The following PSMD9 variants were observed in gnomAD, a reference collection of about 807,000 sequenced individuals.
PSMD9 encodes proteasome 26S subunit, non-ATPase 9.
Under a neutral mutation model 25.9 loss-of-function variants are expected in PSMD9, and 26 were observed. The ratio of observed to expected loss-of-function variants is 1.00; its 90% confidence interval spans 0.73 to 1.39. PSMD9 has a LOEUF of 1.39. PSMD9 is among the 40% of genes most tolerant of loss of function. The probability of loss-of-function intolerance (pLI) is 0.00; values close to 1 mark genes in which losing one functional copy is unlikely to be tolerated. For synonymous variants in PSMD9, 110 were observed against 114.5 expected (o/e 0.96, Z 0.25); for missense variants, 303 against 299.3 (o/e 1.01, Z -0.09).
intron 4 of PSMD9, among the ~76,000 whole-genome samples, chr12:121,912,465 T>C (rs1879754038): frequency 6.6e-6 from 1 of 152,130 alleles, no homozygotes; most frequent in Non-Finnish European, 1.5e-5. Flanking sequence ...TCATAATCAG[T>C]GTGTGGTAGA....
At chr12:121,902,288 GAC>G (rs1879422867) in intron 3 of PSMD9, 1 of 151,904 alleles carries the variant, frequency 6.6e-6, no homozygotes, top group Admixed American at 6.6e-5. Flanking sequence ...CCCTGGTCAG[GAC>G]ACATAGTTCC....
intron 4 of PSMD9, among the ~76,000 whole-genome samples, chr12:121,913,444 G>A (rs373428558): frequency 1.3e-5 from 2 of 151,148 alleles, no homozygotes; most frequent in South Asian, 4.2e-4. Flanking sequence ...TATATGTTCT[G>A]GATGTTAAAT....
At chr12:121,912,127 C>T (rs1391100063) in intron 4 of PSMD9, among the ~76,000 whole-genome samples, 1 of 151,740 alleles carries the variant, frequency 6.6e-6, no homozygotes, top group Admixed American at 6.6e-5. Context: ...GCAATCTGGA[C>T]TTCCCAGGCT....
chr12:121,896,388 T>G (rs1879229959), intron 2 of PSMD9, among the ~76,000 whole-genome samples: 1 of 152,008 alleles, frequency 6.6e-6, no homozygotes, highest in Non-Finnish European at 1.5e-5. Context: ...GAGAATCACT[T>G]GAACCCAGGA....
intron 4 of PSMD9, among the ~76,000 whole-genome samples, chr12:121,904,639 TTTATTA>T (rs71082909): frequency 3.0e-4 from 41 of 138,948 alleles, no homozygotes; most frequent in African/African-American, 7.2e-4. Flanking sequence ...CCATCTGAAA[TTTATTA>T]TTATTATTAT....
At chr12:121,889,047 G>T in intron 1 of PSMD9, 53 bp downstream of exon 1, 1 of 1,544,758 alleles carries the variant, frequency 6.5e-7, no homozygotes, top group South Asian at 1.2e-5. Flanking sequence ...CGGAGTCCCT[G>T]GGGTACTGGG....
intron 3 of PSMD9, among the ~76,000 whole-genome samples, chr12:121,901,418 A>G (rs1027808919): frequency 2.6e-5 from 4 of 152,108 alleles, no homozygotes; most frequent in Non-Finnish European, 5.9e-5. Context: ...GTGCCATCAT[A>G]GCTCACTGCA....
chr12:121,904,238 C>A (rs904539750), intron 4 of PSMD9, among the ~76,000 whole-genome samples: 1 of 150,752 alleles, frequency 6.6e-6, no homozygotes. Flanking sequence ...ATGGCTCTTG[C>A]ATTTTGTGTC....
At chr12:121,903,760 T>C (rs913583823) in intron 4 of PSMD9, among the ~76,000 whole-genome samples, 1 of 151,052 alleles carries the variant, frequency 6.6e-6, no homozygotes. Context: ...TTCTTTTTTT[T>C]TTTTTTTTTT....
At chr12:121,910,840 A>G (rs4069666) in intron 4 of PSMD9, 123,458 of 392,230 alleles carry the variant, frequency 0.31, 20,494 homozygotes, top group East Asian at 0.55. Flanking sequence ...TATTTTGCAA[A>G]TATCACCCCT....
intron 1 of PSMD9, among the ~76,000 whole-genome samples, chr12:121,891,901 CAAAAAAAAAA>C (rs33982940): frequency 1.6e-4 from 12 of 74,318 alleles, no homozygotes; most frequent in East Asian, 4.0e-4. Flanking sequence ...GATTCCATCT[CAAAAAAAAAA>C]AAAAAAAAAA....
chr12:121,903,505 C>A (rs1879460405), intron 4 of PSMD9, among the ~76,000 whole-genome samples: 1 of 152,152 alleles, frequency 6.6e-6, no homozygotes, highest in Non-Finnish European at 1.5e-5. Flanking sequence ...GGTCTATAGC[C>A]CTGGAGTTAC....
At chr12:121,912,640 C>T (rs372276889) in intron 4 of PSMD9, among the ~76,000 whole-genome samples, 4 of 151,806 alleles carry the variant, frequency 2.6e-5, no homozygotes, top group African/African-American at 7.3e-5. Flanking sequence ...CTGAGGCGGG[C>T]GGATCACTCG....
At chr12:121,909,536 G>A (rs139497211) in intron 4 of PSMD9, among the ~76,000 whole-genome samples, 41 of 151,724 alleles carry the variant, frequency 2.7e-4, no homozygotes, top group Non-Finnish European at 5.4e-4. Flanking sequence ...GCCTAGGCCG[G>A]TCTAGAACTC....
chr12:121,915,783 G>A, intron 4 of PSMD9, 73 bp from the exon 5 acceptor site: 1 of 1,273,722 alleles, frequency 7.9e-7, no homozygotes, highest in Non-Finnish European at 1.1e-6. Flanking sequence ...CAAAAAATGG[G>A]ATCTCAGCAT....
intron 2 of PSMD9, chr12:121,899,367 T>C (rs1350714571): frequency 1.3e-5 from 6 of 452,934 alleles, no homozygotes. Context: ...TTCCCTCATA[T>C]CCTAGACTAG....
intron 1 of PSMD9, among the ~76,000 whole-genome samples, chr12:121,891,589 G>T (rs985885439): frequency 2.7e-5 from 4 of 147,028 alleles, no homozygotes; most frequent in Non-Finnish European, 6.0e-5. Context: ...GACAGAGCGA[G>T]ACTCCGTCTC....
In PSMD9 at chr12:121,906,379, A is replaced by G. The variant is rs532052185; in HGVS notation, c.555+3272A>G. Among the ~76,000 whole-genome samples the G allele has an allele frequency of 3.3e-5, 5 of 152,224 alleles. No individual in the cohort carries two copies. In the South Asian group the frequency reaches 1.0e-3, roughly 32 times the overall value. ...GGTTGTCTGTTTTGTGAGTCAAGAAAAAAAACCTTGCATAGCACAGTGGCT... is the reference window on the plus strand; with the variant it reads ...GGTTGTCTGTTTTGTGAGTCAAGAAGAAAAACCTTGCATAGCACAGTGGCT... On this transcript the variant is annotated intron_variant, in intron 4 of 5. Transcript: ENST00000541212.
chr12:121,906,763 A>G (rs940462677), intron 4 of PSMD9, among the ~76,000 whole-genome samples: 101 of 151,160 alleles, frequency 6.7e-4, no homozygotes, highest in Non-Finnish European at 9.0e-4. Flanking sequence ...GCAGTGAACC[A>G]AGATCACGCC....
Sources: allele counts gnomAD v4.1 joint callset (sites outside exome capture counted in the v4.1 genomes callset), GRCh38; gene constraint gnomAD v4.1.1; transcripts MANE v1.5; gene names NCBI Gene and HGNC (gene_info 2026-07-23, HGNC 2026-07-21).